HORMAD1: variants seen among roughly 807,000 people sequenced by gnomAD.
The protein encoded by HORMAD1 is HORMA domain containing 1.
In HORMAD1, 33 loss-of-function variants were observed where a neutral mutation model predicts 58.2. The observed-to-expected ratio is 0.57, with a 90% CI of 0.43 to 0.76. The LOEUF (loss-of-function observed/expected upper bound fraction) is 0.76. Among genes scored for constraint, HORMAD1 ranks in the 30% least tolerant of loss-of-function variants. HORMAD1 has a pLI of 0.00. For missense variants in HORMAD1, 363 were observed against 462.0 expected (o/e 0.79, Z 1.96); for synonymous variants, 137 against 144.6 (o/e 0.95, Z 0.38).
intron 12 of HORMAD1, among the ~76,000 whole-genome samples, 170 bp from the exon 13 acceptor site, chr1:150,703,563 G>A (rs1282305805): frequency 6.6e-6 from 1 of 152,158 alleles, no homozygotes; most frequent in Admixed American, 6.5e-5. Flanking sequence ...AGTAAAGATA[G>A]TGAAACTGAC....
intron 10 of HORMAD1, among the ~76,000 whole-genome samples, chr1:150,705,634 ATTG>A (rs1424842520): frequency 6.6e-6 from 1 of 152,240 alleles, no homozygotes; most frequent in Non-Finnish European, 1.5e-5. Context: ...CATTACAATT[ATTG>A]TTCCCTTTGT....
At chr1:150,706,884 C>T in intron 9 of HORMAD1, 75 bp from the exon 10 acceptor site, 1 of 1,219,516 alleles carries the variant, frequency 8.2e-7, no homozygotes, top group Non-Finnish European at 1.1e-6. Flanking sequence ...AAAACACACG[C>T]AGATTGCAGG....
intron 3 of HORMAD1, among the ~76,000 whole-genome samples, chr1:150,715,065 G>A (rs1025809190): frequency 3.3e-5 from 5 of 152,040 alleles, no homozygotes; most frequent in African/African-American, 7.2e-5. Flanking sequence ...GATTACAGGC[G>A]TGAGCCACCT....
intron 1 of HORMAD1, among the ~76,000 whole-genome samples, chr1:150,719,931 T>C (rs1377048586): frequency 6.6e-6 from 1 of 152,210 alleles, no homozygotes; most frequent in Non-Finnish European, 1.5e-5. Context: ...TTTCATTTTT[T>C]TGAGACGGAG....
intron 7 of HORMAD1, among the ~76,000 whole-genome samples, chr1:150,710,089 C>T (rs997613149): frequency 6.6e-5 from 10 of 152,096 alleles, no homozygotes; most frequent in East Asian, 1.9e-4. Flanking sequence ...GTATGCTGAG[C>T]GCCGGTCCCC....
At position 150,700,185 on chromosome 1, in the gene HORMAD1, TC is replaced by T; in HGVS notation, c.1033-3del. 6.5e-7 allele frequency: 1 copy of T among 1,534,966 alleles called. No individual in the cohort carries two copies. Among genetic ancestry groups the T allele is most frequent in the Non-Finnish European group, 9.0e-7 (1 of 1,108,710 alleles). The stretch of plus-strand genomic sequence containing the variant: ...TTTTACTGGTTGATTTCCATTTGCC[TC>T]CACAAAGATAGAATAATTACTAATT... On this transcript the variant is annotated splice_polypyrimidine_tract_variant and splice_region_variant and intron_variant, in intron 13 of 14. Coordinates refer to ENST00000361824, the MANE Select transcript of HORMAD1 (RefSeq NM_032132.5).
At chr1:150,702,969 G>A (rs901308139) in intron 13 of HORMAD1, among the ~76,000 whole-genome samples, 1 of 152,116 alleles carries the variant, frequency 6.6e-6, no homozygotes, top group African/African-American at 2.4e-5. Flanking sequence ...ATTTCTCTGG[G>A]AGTCTGGATG....
intron 9 of HORMAD1, among the ~76,000 whole-genome samples, chr1:150,707,613 C>T (rs985781936): frequency 1.3e-5 from 2 of 152,202 alleles, no homozygotes; most frequent in African/African-American, 4.8e-5. Context: ...AAAAATGTTG[C>T]ACCTGTTTAC....
At chr1:150,717,104 T>C in intron 3 of HORMAD1, 34 bp downstream of exon 3, 1 of 1,386,076 alleles carries the variant, frequency 7.2e-7, no homozygotes, top group Non-Finnish European at 9.8e-7. Flanking sequence ...AAATACCATT[T>C]TAAAAGAAAG....
chr1:150,703,189 T>C lies in HORMAD1; in HGVS notation c.1032+121A>G. On this transcript the variant is annotated intron_variant, in intron 13 of 14. Transcript: ENST00000361824. ...GTTATATCCTAAGCACCTAGTAAAGTACCTGACACATAATAGGTACTTAGT... is the reference window on the plus strand; with the variant it reads ...GTTATATCCTAAGCACCTAGTAAAGCACCTGACACATAATAGGTACTTAGT... The C allele has an allele frequency of 4.7e-6, 3 of 632,118 alleles. 1 individual carries two copies. The South Asian group carries it at 5.5e-5, about 12-fold the overall frequency. 39.2% of individuals were successfully genotyped at this position (632,118 alleles called of 1,614,324 possible).
At chr1:150,720,297 C>G (rs981237411) in intron 1 of HORMAD1, among the ~76,000 whole-genome samples, 1 of 152,248 alleles carries the variant, frequency 6.6e-6, no homozygotes, top group East Asian at 1.9e-4. Context: ...CTCCTGACCT[C>G]GTGATCCGCC....
chr1:150,708,007 G>A (rs1486807461), intron 9 of HORMAD1, among the ~76,000 whole-genome samples: 1 of 151,806 alleles, frequency 6.6e-6, no homozygotes, highest in Non-Finnish European at 1.5e-5. Flanking sequence ...AATCTGATAA[G>A]TGAAAACTGT....
Position 150,708,414 on chromosome 1 carries a change from G to C in HORMAD1, c.396-7C>G. 1 of 1,560,934 alleles carries C rather than the reference G, an allele frequency of 6.4e-7. No homozygotes were observed. Among genetic ancestry groups the C allele is most frequent in the Non-Finnish European group, 8.7e-7 (1 of 1,148,682 alleles). ...TTCGTTGCTTTGGTTTTTACTAGAA[G>C]AGAATCACATATTAATTTATTTTAT... On this transcript the variant is annotated splice_polypyrimidine_tract_variant and splice_region_variant and intron_variant, in intron 8 of 14. Transcript: ENST00000361824.
intron 2 of HORMAD1, among the ~76,000 whole-genome samples, chr1:150,717,601 T>G (rs978324419): frequency 2.6e-5 from 4 of 152,014 alleles, no homozygotes; most frequent in Non-Finnish European, 5.9e-5. Context: ...GCCTACAACC[T>G]CCATTGGATG....
At chr1:150,713,514 C>T (rs1008114330) in intron 5 of HORMAD1, among the ~76,000 whole-genome samples, 6 of 151,448 alleles carry the variant, frequency 4.0e-5, no homozygotes, top group East Asian at 3.9e-4. Context: ...CCAGCCTGAG[C>T]GACAGAGCAA....
chr1:150,713,054 C>A (rs587762741), intron 5 of HORMAD1, among the ~76,000 whole-genome samples: 18 of 152,208 alleles, frequency 1.2e-4, no homozygotes, highest in African/African-American at 4.3e-4. Flanking sequence ...ACTTCCAATT[C>A]TTTGCATTTG....
intron 10 of HORMAD1, among the ~76,000 whole-genome samples, chr1:150,706,128 G>A (rs1651684459): frequency 6.6e-6 from 1 of 152,166 alleles, no homozygotes; most frequent in Non-Finnish European, 1.5e-5. Flanking sequence ...TCAGAACAGT[G>A]ACTTTCCAGG....
At chr1:150,699,654 A>G (rs1452162163) in intron 14 of HORMAD1, among the ~76,000 whole-genome samples, 2 of 151,266 alleles carry the variant, frequency 1.3e-5, no homozygotes, top group Non-Finnish European at 2.9e-5. Flanking sequence ...CCTCCCGAGT[A>G]GCTGGGACTA....
intron 4 of HORMAD1, among the ~76,000 whole-genome samples, chr1:150,714,329 CA>C (rs1651999916): frequency 2.0e-5 from 3 of 152,044 alleles, no homozygotes; most frequent in Admixed American, 6.6e-5. Context: ...AGGGAAAATA[CA>C]AAATATCTGA....
Sources: allele counts gnomAD v4.1 joint callset (sites outside exome capture counted in the v4.1 genomes callset), GRCh38; gene constraint gnomAD v4.1.1; transcripts MANE v1.5; gene names NCBI Gene and HGNC (gene_info 2026-07-23, HGNC 2026-07-21).